Variants in NBAS observed in about 807,000 individuals in gnomAD.
The protein encoded by NBAS is NAG/BC035112 fusion.
Under a neutral mutation model 302.5 loss-of-function variants are expected in NBAS, and 219 were observed. The observed-to-expected ratio is 0.72, with a 90% CI of 0.65 to 0.81. The LOEUF is 0.81. NBAS is among the 30% of genes least tolerant of loss of function. NBAS has a pLI of 0.00. For missense variants in NBAS, 2,932 were observed against 2,841.6 expected (o/e 1.03, Z -0.72); for synonymous variants, 1,118 against 1,021.6 (o/e 1.09, Z -1.80).
At chr2:15,160,587 G>GC in the NBAS span, among the ~76,000 whole-genome samples, 1 of 129,148 alleles carries the variant, frequency 7.7e-6, no homozygotes, top group Non-Finnish European at 1.6e-5. Flanking sequence ...AGTGTGGGCG[G>GC]GGGGAGGGGG....
chr2:15,281,292 T>C (rs1384405426), intron 42 of NBAS, among the ~76,000 whole-genome samples: 1 of 152,196 alleles, frequency 6.6e-6, no homozygotes, highest in African/African-American at 2.4e-5. Context: ...TATTACTACC[T>C]TGCCAACAAA....
At chr2:14,925,085 G>A in the NBAS span, among the ~76,000 whole-genome samples, 1 of 152,162 alleles carries the variant, frequency 6.6e-6, no homozygotes, top group African/African-American at 2.4e-5. Flanking sequence ...GAAATTACAG[G>A]TGTGTTCCCC....
chr2:15,096,576 G>T, the NBAS span, among the ~76,000 whole-genome samples: 1 of 152,178 alleles, frequency 6.6e-6, no homozygotes, highest in African/African-American at 2.4e-5. Flanking sequence ...CTTCCCAAAT[G>T]CAACAACTCT....
At chr2:14,979,897 C>A in the NBAS span, among the ~76,000 whole-genome samples, 15 of 152,192 alleles carry the variant, frequency 9.9e-5, no homozygotes, top group African/African-American at 3.6e-4. Context: ...AATGTGGGCA[C>A]CCTTGACTGT....
intron 26 of NBAS, among the ~76,000 whole-genome samples, chr2:15,396,678 G>C (rs1675883068): frequency 1.3e-5 from 2 of 152,102 alleles, no homozygotes; most frequent in African/African-American, 2.4e-5. Context: ...CTCTGTTACA[G>C]ATTAGTCAGA....
chr2:15,534,915 C>T (rs548597530), intron 8 of NBAS, among the ~76,000 whole-genome samples: 1 of 152,274 alleles, frequency 6.6e-6, no homozygotes, highest in South Asian at 2.1e-4. Flanking sequence ...AAATGTATAT[C>T]CATAAAGACT....
intron 21 of NBAS, among the ~76,000 whole-genome samples, chr2:15,439,962 C>T (rs1678268160): frequency 6.6e-6 from 1 of 152,254 alleles, no homozygotes; most frequent in Non-Finnish European, 1.5e-5. Context: ...GGAGGGGCAA[C>T]CGCCATTGCC....
At chr2:14,852,945 G>A in the NBAS span, among the ~76,000 whole-genome samples, 8 of 145,982 alleles carry the variant, frequency 5.5e-5, no homozygotes, top group South Asian at 9.0e-4. Context: ...AGATTTAAAC[G>A]TTAGACCTAA....
intron 23 of NBAS, among the ~76,000 whole-genome samples, chr2:15,420,562 A>G (rs565775020): frequency 1.5e-4 from 23 of 152,216 alleles, no homozygotes; most frequent in Non-Finnish European, 2.8e-4. Context: ...GAGTAGATGC[A>G]GTAAAGAAGG....
chr2:15,465,705 G>A (rs896870823), intron 19 of NBAS, among the ~76,000 whole-genome samples: 11 of 151,918 alleles, frequency 7.2e-5, no homozygotes, highest in Admixed American at 2.0e-4. Context: ...GAACTTTGCT[G>A]AATTCTCTAA....
At chr2:15,335,369 T>C (rs1401323004) in intron 35 of NBAS, among the ~76,000 whole-genome samples, 2 of 152,196 alleles carry the variant, frequency 1.3e-5, no homozygotes, top group Non-Finnish European at 2.9e-5. Flanking sequence ...GCAGTGGAAT[T>C]GCTAAGGCAT....
At chr2:14,887,786 C>G in the NBAS span, among the ~76,000 whole-genome samples, 1 of 152,190 alleles carries the variant, frequency 6.6e-6, no homozygotes, top group African/African-American at 2.4e-5. Context: ...CAATAAATAT[C>G]AAAAACCAAA....
chr2:15,422,207 T>C (rs1049279996), intron 23 of NBAS, among the ~76,000 whole-genome samples: 2 of 152,220 alleles, frequency 1.3e-5, no homozygotes, highest in African/African-American at 4.8e-5. Context: ...AAAAGTCATA[T>C]GGTTGGAATC....
At chr2:15,410,098 C>T (rs751122585) in intron 25 of NBAS, among the ~76,000 whole-genome samples, 4 of 152,204 alleles carry the variant, frequency 2.6e-5, no homozygotes, top group African/African-American at 4.8e-5. Context: ...CCTCTGCTAC[C>T]TTCATGTGCC....
At chr2:14,809,407 A>G in the NBAS span, among the ~76,000 whole-genome samples, 3 of 152,344 alleles carry the variant, frequency 2.0e-5, no homozygotes, top group South Asian at 6.2e-4. Context: ...CACTCTAGCC[A>G]TGGCTAACAG....
At chr2:15,080,382 C>A in the NBAS span, among the ~76,000 whole-genome samples, 1 of 152,196 alleles carries the variant, frequency 6.6e-6, no homozygotes, top group South Asian at 2.1e-4. Context: ...CTTTCACGTG[C>A]CAGTTATACT....
At chr2:15,432,788 G>A (rs1277949162) in intron 21 of NBAS, among the ~76,000 whole-genome samples, 1 of 152,060 alleles carries the variant, frequency 6.6e-6, no homozygotes. Flanking sequence ...AAGTCAAATT[G>A]ATCTGAAACT....
chr2:15,075,803 C>A, the NBAS span, among the ~76,000 whole-genome samples: 1 of 151,710 alleles, frequency 6.6e-6, no homozygotes, highest in Non-Finnish European at 1.5e-5. Context: ...AGAAAAAGCC[C>A]AGAAGGATAC....
At chr2:14,981,702 T>A in the NBAS span, among the ~76,000 whole-genome samples, 1 of 152,088 alleles carries the variant, frequency 6.6e-6, no homozygotes, top group East Asian at 1.9e-4. Context: ...GAAGCAGAGG[T>A]GTCTGCTATA....
Sources: allele counts gnomAD v4.1 joint callset (sites outside exome capture counted in the v4.1 genomes callset), GRCh38; gene constraint gnomAD v4.1.1; transcripts MANE v1.5; gene names NCBI Gene and HGNC (gene_info 2026-07-23, HGNC 2026-07-21).